LCMT1: variants seen among roughly 807,000 people sequenced by gnomAD.
LCMT1 encodes leucine carboxyl methyltransferase 1, also known as [Phosphatase 2A protein]-leucine-carboxy methyltransferase 1.
LCMT1 carries 32 observed loss-of-function variants against 47.7 expected under a neutral mutation model. The observed-to-expected ratio is 0.67, with a 90% confidence interval of 0.51 to 0.90. The LOEUF is 0.90. LCMT1 is among the 40% of genes least tolerant of loss of function. The pLI, the probability that LCMT1 is intolerant of heterozygous loss-of-function variation, is 0.00. For synonymous variants in LCMT1, 152 were observed against 149.7 expected (o/e 1.02, Z -0.11); for missense variants, 375 against 415.2 (o/e 0.90, Z 0.84).
At chr16:25,120,286 C>T (rs550341743) in intron 1 of LCMT1, among the ~76,000 whole-genome samples, 41 of 149,616 alleles carry the variant, frequency 2.7e-4, no homozygotes, top group Admixed American at 1.2e-3. Context: ...TGCAGTGGTG[C>T]GATCTCGGGT....
rs575426709 is a variant in LCMT1 at position 25,160,711 on chromosome 16, G to A, written c.467-391G>A. 910 of 513,170 alleles carry A rather than the reference G, an allele frequency of 1.8e-3. 2 individuals carry two copies. Among genetic ancestry groups the A allele is most frequent in the Non-Finnish European group, 2.6e-3 (675 of 257,146 alleles). 31.8% of individuals were successfully genotyped at this position (513,170 alleles called of 1,614,324 possible). ...TAAGTTATGTTTTATCCAGTCAATGGAATGCTATGAAATCATTATACAGAA... is the reference window on the plus strand; with the variant it reads ...TAAGTTATGTTTTATCCAGTCAATGAAATGCTATGAAATCATTATACAGAA... On this transcript the variant is annotated intron_variant, in intron 5 of 10. Transcript: ENST00000399069.
chr16:25,169,013 G>T (rs568913047), intron 7 of LCMT1, 99 bp from the exon 8 acceptor site: 2 of 838,554 alleles, frequency 2.4e-6, no homozygotes, highest in Non-Finnish European at 4.0e-6. Flanking sequence ...GCGTCATCAA[G>T]CGTCAGCCTC....
At chr16:25,175,167 G>A (rs1354021943) in intron 10 of LCMT1, 133 bp downstream of exon 10, 21 of 603,150 alleles carry the variant, frequency 3.5e-5, no homozygotes, top group Non-Finnish European at 6.2e-5. Flanking sequence ...TTTGAGACAG[G>A]GTCTCGCTCT....
intron 4 of LCMT1, among the ~76,000 whole-genome samples, chr16:25,149,944 T>C (rs773460908): frequency 5.4e-5 from 8 of 148,864 alleles, no homozygotes; most frequent in Non-Finnish European, 1.0e-4. Context: ...GTAGGTTACC[T>C]GGTCCAGAAT....
intron 4 of LCMT1, 35 bp downstream of exon 4, chr16:25,140,282 C>G: frequency 6.8e-7 from 1 of 1,459,982 alleles, no homozygotes; most frequent in Non-Finnish European, 9.5e-7. Flanking sequence ...CAAAAGCCAG[C>G]GAGAATTCAG....
chr16:25,163,283 A>G (rs558324239), intron 6 of LCMT1, among the ~76,000 whole-genome samples: 7 of 152,212 alleles, frequency 4.6e-5, no homozygotes, highest in Middle Eastern at 3.4e-3. Context: ...CCTGGCCAAC[A>G]TGGGGAAACC....
At chr16:25,176,149 C>T (rs1187956973) in intron 10 of LCMT1, among the ~76,000 whole-genome samples, 4 of 152,118 alleles carry the variant, frequency 2.6e-5, no homozygotes, top group Admixed American at 1.3e-4. Flanking sequence ...GGAGAACAGG[C>T]GTGGATCTAT....
At chr16:25,114,656 G>C (rs1221564753) in intron 1 of LCMT1, among the ~76,000 whole-genome samples, 1 of 152,046 alleles carries the variant, frequency 6.6e-6, no homozygotes, top group African/African-American at 2.4e-5. Context: ...ATCAACATCA[G>C]CTTCTATTTT....
rs112815596 is a variant in LCMT1, at chr16:25,158,262, A to T, written c.467-2840A>T. Among the ~76,000 whole-genome samples, 1,336 of 152,252 alleles carry T rather than the reference A, an allele frequency of 8.8e-3. 19 individuals are homozygous for T. The highest frequency in any genetic ancestry group is 0.031 in the African/African-American group (1,274 of 41,550). ...CGCCTCCTGGGTTCAAGCAATTCCC[A>T]TGCCTCAGCCTCTCAAGTAGCTGGC... On this transcript the variant is annotated intron_variant, in intron 5 of 10. Transcript: ENST00000399069.
intron 1 of LCMT1, among the ~76,000 whole-genome samples, chr16:25,118,566 AAT>A (rs1959871236): frequency 6.6e-6 from 1 of 152,042 alleles, no homozygotes; most frequent in African/African-American, 2.4e-5. Flanking sequence ...AAATCAGCAC[AAT>A]ATGTGTCGTG....
At chr16:25,116,301 G>A (rs1368586211) in intron 1 of LCMT1, among the ~76,000 whole-genome samples, 1 of 152,350 alleles carries the variant, frequency 6.6e-6, no homozygotes, top group South Asian at 2.1e-4. Context: ...GCTGTAACAT[G>A]TAAAGAAGCC....
intron 6 of LCMT1, among the ~76,000 whole-genome samples, chr16:25,162,856 T>A (rs1426758461): frequency 7.0e-6 from 1 of 141,908 alleles, no homozygotes; most frequent in Non-Finnish European, 1.5e-5. Context: ...AATGTGATTA[T>A]GCTATGCGTA....
At position 25,137,224 on chromosome 16, in the gene LCMT1, C is replaced by T. The variant is rs111323919; in HGVS notation, c.328-2947C>T. ...TAATAGTTTGTATTTTTAGTAGAGA[C>T]AGGGTTTCAGTGTTGGCCAGGCTGG... On this transcript the variant is annotated intron_variant, in intron 3 of 10. Coordinates refer to ENST00000399069, the MANE Select transcript of LCMT1 (RefSeq NM_016309.3). 3.3e-3 allele frequency among the ~76,000 whole-genome samples: 504 copies of T among 152,022 alleles called. 2 individuals carry two copies. Among genetic ancestry groups the T allele is most frequent in the African/African-American group, 0.012 (485 of 41,460 alleles).
At chr16:25,171,925 T>G (rs1961787150) in intron 9 of LCMT1, among the ~76,000 whole-genome samples, 1 of 152,198 alleles carries the variant, frequency 6.6e-6, no homozygotes, top group Admixed American at 6.6e-5. Context: ...CTACACATAC[T>G]GGTCTGTAAA....
chr16:25,173,103 G>A (rs2141718545), intron 9 of LCMT1, among the ~76,000 whole-genome samples: 1 of 152,340 alleles, frequency 6.6e-6, no homozygotes, highest in East Asian at 1.9e-4. Context: ...GCTTTTGCCG[G>A]AAACTGTAGA....
At chr16:25,116,347 TG>T (rs1959784278) in intron 1 of LCMT1, among the ~76,000 whole-genome samples, 1 of 152,214 alleles carries the variant, frequency 6.6e-6, no homozygotes, top group African/African-American at 2.4e-5. Flanking sequence ...AAGAGATGTC[TG>T]GTATTCCGTG....
intron 5 of LCMT1, chr16:25,160,837 TGC>T: frequency 1.7e-6 from 1 of 603,600 alleles, no homozygotes; most frequent in Non-Finnish European, 3.2e-6. Context: ...TGTATGTGTG[TGC>T]GCACCATGTG....
intron 5 of LCMT1, among the ~76,000 whole-genome samples, chr16:25,152,847 C>G (rs2141684409): frequency 6.6e-6 from 1 of 152,274 alleles, no homozygotes; most frequent in Non-Finnish European, 1.5e-5. Flanking sequence ...TTAATTATGA[C>G]TGTGTCTTAA....
intron 1 of LCMT1, among the ~76,000 whole-genome samples, chr16:25,125,482 T>C (rs1211758066): frequency 6.6e-6 from 1 of 152,180 alleles, no homozygotes; most frequent in East Asian, 1.9e-4. Flanking sequence ...CAGTTTAAGG[T>C]TCCGGCAGCT....
Sources: gnomAD v4.1 joint callset for allele counts (sites outside exome capture counted in the v4.1 genomes callset) on GRCh38, gnomAD v4.1.1 for gene constraint, MANE v1.5 for transcripts, NCBI Gene and HGNC (gene_info 2026-07-23, HGNC 2026-07-21) for gene names.